KPNB1: variants seen among roughly 807,000 people sequenced by gnomAD.
The protein encoded by KPNB1 is karyopherin subunit beta 1.
KPNB1 carries 7 observed loss-of-function variants against 113.0 expected under a neutral mutation model. That is an observed-to-expected ratio of 0.06 (90% CI 0.04 to 0.12). The LOEUF (loss-of-function observed/expected upper bound fraction) is 0.12. Among genes scored for constraint, KPNB1 ranks in the 10% least tolerant of loss-of-function variants. KPNB1 has a pLI of 1.00. For missense variants in KPNB1, 400 were observed against 1,054.8 expected (o/e 0.38, Z 8.60); for synonymous variants, 363 against 378.6 (o/e 0.96, Z 0.48).
chr17:47,661,433 C>G (rs576576155), intron 6 of KPNB1, among the ~76,000 whole-genome samples: 2 of 151,988 alleles, frequency 1.3e-5, no homozygotes, highest in South Asian at 4.2e-4. Flanking sequence ...AACCCTGTCT[C>G]TACTAAAAAT....
intron 13 of KPNB1, 45 bp from the exon 14 acceptor site, chr17:47,673,445 G>GT (rs1406098607): frequency 1.3e-6 from 2 of 1,498,434 alleles, no homozygotes; most frequent in Non-Finnish European, 1.9e-6. Flanking sequence ...CCCAGCAAAA[G>GT]TGGAAGGTTT....
rs548945520 is a variant in KPNB1 at position 47,683,910 on chromosome 17, C to G, written c.*1506C>G. ...GTGATGTGGTATGATTACCATAAAT[C>G]AGACTTAATTATTTTCCCTTTTACA... On this transcript the variant is annotated 3_prime_UTR_variant, in exon 22 of 22. Coordinates refer to ENST00000290158, the MANE Select transcript of KPNB1 (RefSeq NM_002265.6). The G allele has an allele frequency of 6.6e-6, 1 of 152,346 alleles. No homozygotes were observed. The highest frequency in any genetic ancestry group is 6.5e-5 in the Admixed American group (1 of 15,304). The allele number at this position is 152,346 out of a possible 1,614,324, so 9.4% of individuals were successfully genotyped here. A position where few individuals can be genotyped will look rare whatever the true frequency, so the allele number is the denominator to read the frequency against.
rs746372616 is a variant in KPNB1 at position 47,678,299 on chromosome 17, G to T, written c.2248-9G>T. The stretch of plus-strand genomic sequence containing the variant: ...GTGTGATGTAGGTTCTGTTCTTTGT[G>T]TCTTACAGTCAGACTATGACATGGT... On this transcript the variant is annotated splice_polypyrimidine_tract_variant and intron_variant, in intron 18 of 21. Coordinates refer to ENST00000290158, the MANE Select transcript of KPNB1 (RefSeq NM_002265.6). 6.2e-7 allele frequency: 1 copy of T among 1,612,884 alleles called. No individual in the cohort carries two copies. Among genetic ancestry groups the T allele is most frequent in the Non-Finnish European group, 8.5e-7 (1 of 1,178,836 alleles).
intron 2 of KPNB1, chr17:47,651,485 T>C (rs1218669228): frequency 8.7e-6 from 3 of 343,298 alleles, no homozygotes; most frequent in African/African-American, 4.5e-5. Context: ...ACAGACTGCC[T>C]TTGAATGATT....
intron 6 of KPNB1, 90 bp from the exon 7 acceptor site, chr17:47,662,999 C>T: frequency 1.3e-6 from 1 of 778,980 alleles, no homozygotes; most frequent in African/African-American, 1.7e-5. Flanking sequence ...CTCAATTAAT[C>T]CTTAGGATTA....
rs1460836213 is a variant in KPNB1 at position 47,676,507 on chromosome 17, CAAAATA to C, written c.1995+17_1995+22del. ...TGAATACCAGGTAGGATGTGCTTTTCAAAATAGTATGTTCCCATTTATATCTGACAG... is the reference window on the plus strand; with the variant it reads ...TGAATACCAGGTAGGATGTGCTTTTCGTATGTTCCCATTTATATCTGACAG... On this transcript the variant is annotated intron_variant, in intron 16 of 21. Transcript: ENST00000290158. The C allele has an allele frequency of 2.5e-6, 4 of 1,576,400 alleles. No homozygotes were observed. The highest frequency in any genetic ancestry group is 3.5e-6 in the Non-Finnish European group (4 of 1,145,748).
chr17:47,650,463 C>T lies in KPNB1; in HGVS notation c.99+19C>T. On this transcript the variant is annotated intron_variant, in intron 2 of 21. Coordinates refer to ENST00000290158, the MANE Select transcript of KPNB1 (RefSeq NM_002265.6). ...GAACCTGGTGCGTGCTACCCCGCCG[C>T]GCCCATCCCGCCGCGTCCCCATCCC... 1 of 1,591,532 alleles carries T rather than the reference C, an allele frequency of 6.3e-7. No homozygotes were observed.
At chr17:47,662,887 C>T (rs2030149836) in intron 6 of KPNB1, among the ~76,000 whole-genome samples, 1 of 151,718 alleles carries the variant, frequency 6.6e-6, no homozygotes, top group Non-Finnish European at 1.5e-5. Flanking sequence ...CTGTCCCTTC[C>T]CCGAAAAAGA....
intron 9 of KPNB1, 92 bp downstream of exon 9, chr17:47,665,250 A>G: frequency 2.1e-6 from 2 of 936,012 alleles, no homozygotes; most frequent in Admixed American, 2.0e-5. Flanking sequence ...TTCGCAGCCC[A>G]TCAACTATTT....
intron 3 of KPNB1, among the ~76,000 whole-genome samples, chr17:47,654,439 T>A (rs1248205040): frequency 4.7e-5 from 7 of 148,824 alleles, no homozygotes; most frequent in Non-Finnish European, 7.4e-5. Context: ...AAAAAAAAAT[T>A]AGATAATTTG....
intron 21 of KPNB1, 91 bp downstream of exon 21, chr17:47,680,760 T>A: frequency 7.6e-7 from 1 of 1,313,196 alleles, no homozygotes; most frequent in Non-Finnish European, 1.0e-6. Flanking sequence ...CACTGCCTTC[T>A]GGCATTTTTT....
intron 19 of KPNB1, 157 bp downstream of exon 19, chr17:47,678,570 G>GGGGAAAACTGTAGACTA: frequency 1.6e-6 from 1 of 611,458 alleles, no homozygotes; most frequent in Non-Finnish European, 2.9e-6. Context: ...AGAGTGGCTT[G>GGGGAAAACTGTAGACTA]GGGAAAACTG....
At chr17:47,651,404 T>C in intron 2 of KPNB1, 1 of 936,886 alleles carries the variant, frequency 1.1e-6, no homozygotes, top group Non-Finnish European at 1.3e-6. Flanking sequence ...TGAGTAACAC[T>C]AACCATATGT....
chr17:47,661,239 AT>A (rs2030085243), intron 6 of KPNB1, 61 bp downstream of exon 6: 6 of 1,246,578 alleles, frequency 4.8e-6, no homozygotes, highest in African/African-American at 1.5e-5. Context: ...GTCAAATCTA[AT>A]ATAAGTTTGA....
At chr17:47,677,850 G>A (rs541272183) in intron 17 of KPNB1, among the ~76,000 whole-genome samples, 196 bp from the exon 18 acceptor site, 1 of 152,298 alleles carries the variant, frequency 6.6e-6, no homozygotes, top group East Asian at 1.9e-4. Flanking sequence ...GTCTCCTCAT[G>A]TGTAAAGTGG....
intron 8 of KPNB1, 32 bp downstream of exon 8, chr17:47,664,301 G>A (rs761106222): frequency 7.5e-6 from 10 of 1,326,342 alleles, no homozygotes; most frequent in Non-Finnish European, 1.1e-5. Flanking sequence ...CTCTGAATAC[G>A]CTTTGGGACA....
At chr17:47,675,397 T>TTTTTTTTTTTTTTTTTTTTTC (rs2030586632) in intron 15 of KPNB1, among the ~76,000 whole-genome samples, 1 of 142,016 alleles carries the variant, frequency 7.0e-6, no homozygotes, top group Admixed American at 7.0e-5. Flanking sequence ...TTGTTTTTTT[T>TTTTTTTTTTTTTTTTTTTTTC]TTGAGACTTG....
rs374778094 is a variant in KPNB1 at position 47,682,400 on chromosome 17, T to C, written c.*-4T>C. The C allele has an allele frequency of 2.2e-5, 17 of 780,808 alleles. No homozygotes were observed. The highest frequency in any genetic ancestry group is 3.6e-5 in the Non-Finnish European group (15 of 418,138). The allele number at this position is 780,808 out of a possible 1,614,324, so 48.4% of individuals were successfully genotyped here. On this transcript the variant is annotated splice_region_variant and splice_polypyrimidine_tract_variant and intron_variant, in intron 21 of 21. Transcript: ENST00000290158. The stretch of plus-strand genomic sequence containing the variant: ...GATTGACCTTTTTTTCCATCTGTTT[T>C]CAGATCTGTTACCATTGGGATGATA...
chr17:47,661,404 A>G (rs184571984), intron 6 of KPNB1, among the ~76,000 whole-genome samples: 2 of 152,204 alleles, frequency 1.3e-5, no homozygotes, highest in East Asian at 3.9e-4. Context: ...GTTTCATACC[A>G]GTCTGGCCAA....
Sources: allele counts gnomAD v4.1 joint callset (sites outside exome capture counted in the v4.1 genomes callset), GRCh38; gene constraint gnomAD v4.1.1; transcripts MANE v1.5; gene names NCBI Gene and HGNC (gene_info 2026-07-23, HGNC 2026-07-21).